Variants in TUSC3 observed in about 807,000 individuals in gnomAD.
TUSC3 encodes the protein tumor suppressor candidate 3, also known as dolichyl-diphosphooligosaccharide--protein glycosyltransferase subunit TUSC3.
In TUSC3, 45 loss-of-function variants were observed where a neutral mutation model predicts 44.8. The ratio of observed to expected loss-of-function variants is 1.00; its 90% confidence interval spans 0.79 to 1.29. TUSC3 has a LOEUF of 1.29. Among genes scored for constraint, TUSC3 ranks in the 50% most tolerant of loss-of-function variants. The probability of loss-of-function intolerance (pLI) is 0.00; values close to 1 mark genes in which losing one functional copy is unlikely to be tolerated. For synonymous variants in TUSC3, 212 were observed against 152.9 expected (o/e 1.39, Z -2.85); for missense variants, 519 against 437.9 (o/e 1.19, Z -1.65).
chr8:15,697,378 C>T (rs540059091), intron 6 of TUSC3, among the ~76,000 whole-genome samples: 1 of 152,184 alleles, frequency 6.6e-6, no homozygotes, highest in South Asian at 2.1e-4. Context: ...CTTAGATGGT[C>T]TGTTTATGCT....
chr8:15,422,649 G>GTTGA (rs1799751511), intron 1 of TUSC3, among the ~76,000 whole-genome samples: 1 of 151,946 alleles, frequency 6.6e-6, no homozygotes, highest in Non-Finnish European at 1.5e-5. Flanking sequence ...TGGTTGATTG[G>GTTGA]TTGGTTGGTT....
At chr8:15,732,235 A>G (rs1810752417) in intron 7 of TUSC3, among the ~76,000 whole-genome samples, 2 of 152,134 alleles carry the variant, frequency 1.3e-5, no homozygotes, top group Non-Finnish European at 2.9e-5. Flanking sequence ...CTCACCTTGA[A>G]TTGTAATAAT....
chr8:15,513,995 A>G (rs1026958121), intron 2 of TUSC3, among the ~76,000 whole-genome samples: 4 of 151,948 alleles, frequency 2.6e-5, no homozygotes, highest in African/African-American at 9.7e-5. Context: ...TTTACATACA[A>G]TAAAGCCCCT....
At chr8:15,772,359 C>G in the TUSC3 span, among the ~76,000 whole-genome samples, 1 of 151,990 alleles carries the variant, frequency 6.6e-6, no homozygotes. Flanking sequence ...ACATTAATAC[C>G]CACCTTGCGG....
the TUSC3 span, among the ~76,000 whole-genome samples, chr8:15,829,692 G>A: frequency 2.0e-5 from 3 of 151,972 alleles, no homozygotes; most frequent in Admixed American, 6.6e-5. Context: ...CTGAGATTAT[G>A]AAACATTTTC....
intron 1 of TUSC3, among the ~76,000 whole-genome samples, chr8:15,426,156 A>C (rs989782613): frequency 6.6e-6 from 1 of 152,256 alleles, no homozygotes; most frequent in African/African-American, 2.4e-5. Context: ...ATATGCAAAC[A>C]TTTGTTATCC....
intron 6 of TUSC3, among the ~76,000 whole-genome samples, chr8:15,703,685 C>T (rs951663131): frequency 6.6e-6 from 1 of 151,982 alleles, no homozygotes; most frequent in African/African-American, 2.4e-5. Context: ...AATCAAATGG[C>T]GAGTGAGAGG....
At chr8:15,730,420 A>T (rs1192048792) in intron 6 of TUSC3, among the ~76,000 whole-genome samples, 1 of 152,168 alleles carries the variant, frequency 6.6e-6, no homozygotes, top group African/African-American at 2.4e-5. Context: ...TCCTTTAACA[A>T]GTTATATTAA....
At chr8:15,550,941 G>A (rs1380042471) in intron 1 of TUSC3, among the ~76,000 whole-genome samples, 1 of 151,742 alleles carries the variant, frequency 6.6e-6, no homozygotes, top group Non-Finnish European at 1.5e-5. Flanking sequence ...CAAGTGCTGG[G>A]ATTACAGGGG....
At chr8:15,803,002 C>T in the TUSC3 span, among the ~76,000 whole-genome samples, 3 of 152,114 alleles carry the variant, frequency 2.0e-5, no homozygotes, top group Non-Finnish European at 1.5e-5. Context: ...ATTCAGTAAA[C>T]AACTTATGGT....
intron 6 of TUSC3, among the ~76,000 whole-genome samples, chr8:15,692,399 T>G (rs1388523573): frequency 3.5e-5 from 4 of 112,806 alleles, no homozygotes; most frequent in East Asian, 2.8e-4. Context: ...TTTTTTTTTT[T>G]GCAATAGTTT....
At chr8:15,418,623 G>C (rs972492673) in intron 1 of TUSC3, among the ~76,000 whole-genome samples, 1 of 152,186 alleles carries the variant, frequency 6.6e-6, no homozygotes, top group African/African-American at 2.4e-5. Context: ...AATAGGAGGA[G>C]AGTAATCGGT....
intron 6 of TUSC3, among the ~76,000 whole-genome samples, chr8:15,730,377 AATC>A (rs1810668351): frequency 6.6e-6 from 1 of 152,144 alleles, no homozygotes; most frequent in South Asian, 2.1e-4. Context: ...CCTCTACAGG[AATC>A]ATATTTTATG....
intron 6 of TUSC3, among the ~76,000 whole-genome samples, chr8:15,730,266 A>T (rs1452232679): frequency 6.6e-6 from 1 of 152,146 alleles, no homozygotes; most frequent in Non-Finnish European, 1.5e-5. Context: ...AAAAACTTTG[A>T]TAATGTGGAA....
intron 1 of TUSC3, among the ~76,000 whole-genome samples, chr8:15,476,673 T>G (rs1007210960): frequency 2.6e-5 from 4 of 152,164 alleles, no homozygotes; most frequent in Non-Finnish European, 4.4e-5. Flanking sequence ...AAGCAGAGAT[T>G]TATTGAAAAC....
chr8:15,689,672 G>A (rs1808808461), intron 6 of TUSC3: 1 of 152,424 alleles, frequency 6.6e-6, no homozygotes, highest in African/African-American at 2.4e-5. Context: ...TATGTACTCA[G>A]TGTTTACCAC....
chr8:15,849,116 A>C, the TUSC3 span, among the ~76,000 whole-genome samples: 1 of 152,184 alleles, frequency 6.6e-6, no homozygotes, highest in Non-Finnish European at 1.5e-5. Context: ...GGGCTTAAAA[A>C]ATCAAAGATA....
the TUSC3 span, among the ~76,000 whole-genome samples, chr8:15,840,341 C>A: frequency 6.6e-6 from 1 of 151,924 alleles, no homozygotes; most frequent in Non-Finnish European, 1.5e-5. Context: ...CAAACCTGCA[C>A]GTTGTACACA....
intron 2 of TUSC3, among the ~76,000 whole-genome samples, chr8:15,524,170 G>A (rs889532968): frequency 1.8e-4 from 28 of 151,720 alleles, no homozygotes; most frequent in Admixed American, 3.9e-4. Context: ...ATATGTTAAC[G>A]GTTGTGATCA....
Sources: allele counts gnomAD v4.1 joint callset (sites outside exome capture counted in the v4.1 genomes callset), GRCh38; gene constraint gnomAD v4.1.1; transcripts MANE v1.5; gene names NCBI Gene and HGNC (gene_info 2026-07-23, HGNC 2026-07-21).